Variants in CHSY3 observed in about 807,000 individuals in gnomAD.
CHSY3 encodes N-acetylgalactosaminyl-proteoglycan 3-beta-glucuronosyltransferase 3.
CHSY3 carries 35 observed loss-of-function variants against 67.2 expected under a neutral mutation model. That is an observed-to-expected ratio of 0.52 (90% CI 0.40 to 0.69). The LOEUF (loss-of-function observed/expected upper bound fraction) is 0.69. Among genes scored for constraint, CHSY3 ranks in the 30% least tolerant of loss-of-function variants. The pLI is 0.00. For synonymous variants in CHSY3, 474 were observed against 434.7 expected (o/e 1.09, Z -1.12); for missense variants, 1,069 against 1,138.5 (o/e 0.94, Z 0.88).
intron 2 of CHSY3, among the ~76,000 whole-genome samples, chr5:129,936,908 C>G (rs1252987539): frequency 1.3e-5 from 2 of 152,142 alleles, no homozygotes; most frequent in Non-Finnish European, 2.9e-5. Context: ...TTCCCTTGAT[C>G]TGGAATGCTC....
chr5:130,149,417 G>A (rs137879948), intron 2 of CHSY3, among the ~76,000 whole-genome samples: 213 of 152,262 alleles, frequency 1.4e-3, no homozygotes, highest in African/African-American at 4.9e-3. Context: ...TACATCACAT[G>A]GTGAAAGCAG....
chr5:129,944,037 C>A (rs567413825), intron 2 of CHSY3, among the ~76,000 whole-genome samples: 1 of 152,338 alleles, frequency 6.6e-6, no homozygotes, highest in African/African-American at 2.4e-5. Flanking sequence ...AAATTTAGAG[C>A]TTCCACTTGG....
intron 2 of CHSY3, among the ~76,000 whole-genome samples, chr5:130,167,073 A>G (rs1321924051): frequency 6.6e-6 from 1 of 151,962 alleles, no homozygotes; most frequent in Non-Finnish European, 1.5e-5. Context: ...AAGGAAGGAG[A>G]GTTTTTTGGC....
intron 2 of CHSY3, among the ~76,000 whole-genome samples, chr5:130,052,876 C>A (rs527603116): frequency 9.2e-5 from 14 of 152,014 alleles, no homozygotes; most frequent in Non-Finnish European, 1.9e-4. Flanking sequence ...ACTTTAAGTA[C>A]TGGAATATGC....
At chr5:130,056,847 A>G (rs1327501534) in intron 2 of CHSY3, among the ~76,000 whole-genome samples, 1 of 151,974 alleles carries the variant, frequency 6.6e-6, no homozygotes, top group East Asian at 1.9e-4. Flanking sequence ...ATGTGAGTCA[A>G]TACTCAGAAA....
At chr5:130,075,320 T>C (rs1008083134) in intron 2 of CHSY3, among the ~76,000 whole-genome samples, 3 of 152,170 alleles carry the variant, frequency 2.0e-5, no homozygotes, top group African/African-American at 7.2e-5. Flanking sequence ...AACTGAGATA[T>C]AGTGATAATA....
Position 130,143,351 on chromosome 5 carries a change from A to G in CHSY3, c.1087-40878A>G, listed in dbSNP as rs9918097. On this transcript the variant is annotated intron_variant, in intron 2 of 2. Coordinates refer to ENST00000305031, the MANE Select transcript of CHSY3 (RefSeq NM_175856.5). ...AAGAAGCAGACCATGAGACAAAGGG[A>G]TTTTTAAAAGCCCACTAAGGGACCA... Among the ~76,000 whole-genome samples, 447 of 152,172 alleles carry G rather than the reference A, an allele frequency of 2.9e-3. 1 individual carries two copies. The highest frequency in any genetic ancestry group is 0.01 in the African/African-American group (429 of 41,536).
At chr5:129,917,373 C>T (rs1018655459) in intron 2 of CHSY3, among the ~76,000 whole-genome samples, 3 of 152,156 alleles carry the variant, frequency 2.0e-5, no homozygotes, top group African/African-American at 7.2e-5. Context: ...CAACAGAGAG[C>T]CTGTTGTAAT....
At position 130,104,691 on chromosome 5, in the gene CHSY3, C is replaced by T. The variant is rs568302410; in HGVS notation, c.1087-79538C>T. The stretch of plus-strand genomic sequence containing the variant: ...GACAAGTAGCGTAAGGCCTGTCATA[C>T]TTGTTAATGTTTCGACTTGTTAATG... On this transcript the variant is annotated intron_variant, in intron 2 of 2. Transcript: ENST00000305031. Among the ~76,000 whole-genome samples the T allele has an allele frequency of 2.6e-4, 40 of 151,802 alleles. 2 individuals are homozygous for T. In the South Asian group the frequency reaches 4.8e-3, roughly 18 times the overall value.
Position 130,130,764 on chromosome 5 carries a change from C to A in CHSY3, c.1087-53465C>A, listed in dbSNP as rs144058928. On this transcript the variant is annotated intron_variant, in intron 2 of 2. Coordinates refer to ENST00000305031, the MANE Select transcript of CHSY3 (RefSeq NM_175856.5). ...CCATACTGCCTTTACTCCCTCAGGTCCACAAACCTCCACAGAGGTGTTCAT... is the reference window on the plus strand; with the variant it reads ...CCATACTGCCTTTACTCCCTCAGGTACACAAACCTCCACAGAGGTGTTCAT... Among the ~76,000 whole-genome samples, 299 of 152,292 alleles carry A rather than the reference C, an allele frequency of 2.0e-3. 2 individuals are homozygous for A. The highest frequency in any genetic ancestry group is 6.8e-3 in the Middle Eastern group (2 of 294).
At chr5:130,024,702 T>C (rs912291015) in intron 2 of CHSY3, among the ~76,000 whole-genome samples, 3 of 152,130 alleles carry the variant, frequency 2.0e-5, no homozygotes, top group Admixed American at 2.0e-4. Context: ...TAAACATGAA[T>C]AGCATGAAAA....
chr5:130,152,148 C>G (rs1769251215), intron 2 of CHSY3, among the ~76,000 whole-genome samples: 1 of 152,300 alleles, frequency 6.6e-6, no homozygotes, highest in South Asian at 2.1e-4. Context: ...TTGACAAGCA[C>G]CCCAGCTGCA....
chr5:130,177,312 G>A lies in CHSY3; in HGVS notation c.1087-6917G>A, dbSNP rs187693580. 2.3e-3 allele frequency among the ~76,000 whole-genome samples: 349 copies of A among 151,706 alleles called. 1 individual carries two copies. Among genetic ancestry groups the A allele is most frequent in the Non-Finnish European group, 3.7e-3 (251 of 67,906 alleles). On this transcript the variant is annotated intron_variant, in intron 2 of 2. Transcript: ENST00000305031. ...GGGTTTTCTGTCAATTTATTTTTCT[G>A]AACAATCCCTTCTTTTTGCCTTCTG...
intron 2 of CHSY3, among the ~76,000 whole-genome samples, chr5:130,039,831 C>T (rs550746237): frequency 1.4e-4 from 21 of 152,142 alleles, no homozygotes; most frequent in African/African-American, 4.8e-4. Flanking sequence ...CCTGTGAAAA[C>T]TTCCCCCTAA....
chr5:130,124,445 A>G (rs1486386793), intron 2 of CHSY3, among the ~76,000 whole-genome samples: 1 of 151,368 alleles, frequency 6.6e-6, no homozygotes, highest in Non-Finnish European at 1.5e-5. Context: ...TACCAAAAAC[A>G]TACAGAGCGA....
At position 129,983,294 on chromosome 5, in the gene CHSY3, A is replaced by G. The variant is rs563190410; in HGVS notation, c.1086+74934A>G. 5.5e-4 allele frequency among the ~76,000 whole-genome samples: 84 copies of G among 152,220 alleles called. 3 individuals are homozygous for G. The East Asian group carries it at 0.016, about 29-fold the overall frequency. The stretch of plus-strand genomic sequence containing the variant: ...TTCAGGTCTCTTTTAGTGATGTGGC[A>G]GTGGTAATTCTTTAATATTTACACT... On this transcript the variant is annotated intron_variant, in intron 2 of 2. Transcript: ENST00000305031.
chr5:130,029,690 T>A (rs1764652612), intron 2 of CHSY3, among the ~76,000 whole-genome samples: 1 of 152,252 alleles, frequency 6.6e-6, no homozygotes, highest in Non-Finnish European at 1.5e-5. Flanking sequence ...AAATAAAACT[T>A]TGTGAGGTTT....
At chr5:130,058,087 C>G (rs570570726) in intron 2 of CHSY3, among the ~76,000 whole-genome samples, 4 of 152,270 alleles carry the variant, frequency 2.6e-5, no homozygotes, top group Non-Finnish European at 5.9e-5. Flanking sequence ...TAAAATCACT[C>G]TTCTTTCCTA....
At chr5:130,124,851 T>TA (rs1214941669) in intron 2 of CHSY3, among the ~76,000 whole-genome samples, 1 of 152,068 alleles carries the variant, frequency 6.6e-6, no homozygotes, top group East Asian at 1.9e-4. Flanking sequence ...AGTATAATAA[T>TA]AAAAAAAGAG....
Sources: allele counts gnomAD v4.1 joint callset (sites outside exome capture counted in the v4.1 genomes callset), GRCh38; gene constraint gnomAD v4.1.1; transcripts MANE v1.5; gene names NCBI Gene and HGNC (gene_info 2026-07-23, HGNC 2026-07-21).